Variants in CDH22 observed in about 807,000 individuals in gnomAD.
CDH22 encodes cadherin-22.
CDH22 carries 30 observed loss-of-function variants against 58.4 expected under a neutral mutation model. The ratio of observed to expected loss-of-function variants is 0.51; its 90% CI spans 0.38 to 0.70. The LOEUF (loss-of-function observed/expected upper bound fraction) is 0.70. Ranked by LOEUF, CDH22 falls within the 30% of genes least tolerant of loss-of-function variation. CDH22 has a pLI of 0.00. For missense variants in CDH22, 1,014 were observed against 1,233.9 expected (o/e 0.82, Z 2.67); for synonymous variants, 513 against 558.2 (o/e 0.92, Z 1.14).
chr20:46,196,479 G>A (rs1239086584), intron 8 of CDH22, among the ~76,000 whole-genome samples: 1 of 152,138 alleles, frequency 6.6e-6, no homozygotes, highest in Non-Finnish European at 1.5e-5. Context: ...TCGCCATGTT[G>A]GCCAGGCTGG....
chr20:46,293,459 T>C (rs1283147232), intron 1 of CDH22, among the ~76,000 whole-genome samples: 1 of 152,048 alleles, frequency 6.6e-6, no homozygotes, highest in Non-Finnish European at 1.5e-5. Context: ...TTCATGTTTA[T>C]GTTTCTGAAT....
chr20:46,237,394 T>C (rs1243082663), intron 3 of CDH22, among the ~76,000 whole-genome samples: 1 of 152,268 alleles, frequency 6.6e-6, no homozygotes, highest in East Asian at 1.9e-4. Context: ...TGTCCCAAGC[T>C]GCGTCCCTGC....
At chr20:46,290,674 C>G (rs2086597300) in intron 1 of CDH22, among the ~76,000 whole-genome samples, 2 of 152,122 alleles carry the variant, frequency 1.3e-5, no homozygotes, top group African/African-American at 4.8e-5. Context: ...CTGGCAGACT[C>G]TAAGGGAGAG....
In CDH22 at chr20:46,251,061, C is replaced by T. The variant is rs374127091; in HGVS notation, c.234G>A (p.Thr78=). 8.1e-6 allele frequency: 13 copies of T among 1,611,294 alleles called. No individual in the cohort carries two copies. Among genetic ancestry groups the T allele is most frequent in the Middle Eastern group, 1.6e-4 (1 of 6,064 alleles). Reference sequence around the variant, plus strand: ...TTACCTTGCCCACATACAGGGGCTCCGTGCCCGTGTACTCCTCTACCACGA... The same window carrying T: ...TTACCTTGCCCACATACAGGGGCTCTGTGCCCGTGTACTCCTCTACCACGA... ...QFFVVEEYTG[T]EPLYVGKIHS... Residue 78 remains threonine (T), a synonymous_variant, in exon 2 of 12, where the codon ACG becomes ACA. Coordinates refer to ENST00000537909, the MANE Select transcript of CDH22 (RefSeq NM_021248.3). This position sits in a 1 kb window ranked among gnomAD's most constrained non-coding sequence, Gnocchi z 6.7.
intron 7 of CDH22, among the ~76,000 whole-genome samples, chr20:46,204,888 G>A (rs2085989352): frequency 6.6e-6 from 1 of 152,156 alleles, no homozygotes; most frequent in Non-Finnish European, 1.5e-5. Flanking sequence ...ATGCATGCAG[G>A]CATAATAAAT....
At chr20:46,261,915 G>A (rs1180487180) in intron 1 of CDH22, among the ~76,000 whole-genome samples, 2 of 152,210 alleles carry the variant, frequency 1.3e-5, no homozygotes, top group East Asian at 3.9e-4. Context: ...CACAAATGAA[G>A]GAGGCAACCA....
intron 1 of CDH22, among the ~76,000 whole-genome samples, chr20:46,266,881 A>G (rs942751876): frequency 4.4e-4 from 66 of 151,212 alleles, no homozygotes; most frequent in Non-Finnish European, 2.1e-4. Flanking sequence ...TAAGGATGAT[A>G]ATAGTACTAA....
rs3746822 is a variant in CDH22 at position 46,174,358 on chromosome 20, C to T, written c.*148G>A. 3.5e-6 allele frequency: 2 copies of T among 574,446 alleles called. No homozygotes were observed. Among genetic ancestry groups the T allele is most frequent in the South Asian group, 2.3e-5 (1 of 43,672 alleles). The allele number at this position is 574,446 out of a possible 1,614,324, so 35.6% of individuals were successfully genotyped here. Reference sequence around the variant, plus strand: ...CTAGAGGAGGAGGAATGGAAGAGTCCGCTCCTAGCAAGTCCCCCCTCCGTC... The same window carrying T: ...CTAGAGGAGGAGGAATGGAAGAGTCTGCTCCTAGCAAGTCCCCCCTCCGTC... On this transcript the variant is annotated 3_prime_UTR_variant, in exon 12 of 12. Coordinates refer to ENST00000537909, the MANE Select transcript of CDH22 (RefSeq NM_021248.3). This position sits in a 1 kb window ranked among gnomAD's most constrained non-coding sequence, Gnocchi z 4.4.
At position 46,251,369 on chromosome 20, in the gene CDH22, G is replaced by C. The variant is rs933485850; in HGVS notation, c.-75C>G. 4 of 1,378,520 alleles carry C rather than the reference G, an allele frequency of 2.9e-6. No individual in the cohort carries two copies. Among genetic ancestry groups the C allele is most frequent in the Non-Finnish European group, 3.7e-6 (4 of 1,070,524 alleles). The allele number at this position is 1,378,520 out of a possible 1,614,324, so 85.4% of individuals were successfully genotyped here. On this transcript the variant is annotated 5_prime_UTR_variant, in exon 2 of 12. The change creates a new upstream start codon in the 5' untranslated region. Transcript: ENST00000537909. The surrounding 1 kb of genome is among the most constrained non-coding windows in gnomAD (Gnocchi z 6.7). ...GGGCGCCGCTGCTTGGTCGCACAACGATGCGGCGCCGTGTCACATGGTGGC... is the reference window on the plus strand; with the variant it reads ...GGGCGCCGCTGCTTGGTCGCACAACCATGCGGCGCCGTGTCACATGGTGGC...
chr20:46,232,877 C>A (rs1434621522), intron 3 of CDH22, among the ~76,000 whole-genome samples: 1 of 152,138 alleles, frequency 6.6e-6, no homozygotes, highest in Admixed American at 6.5e-5. Context: ...GAATGGCACA[C>A]AGGAGATGCA....
chr20:46,217,519 C>T (rs944695341), intron 4 of CDH22, among the ~76,000 whole-genome samples: 24 of 152,146 alleles, frequency 1.6e-4, no homozygotes, highest in African/African-American at 5.6e-4. Context: ...CACAAACACA[C>T]ACTCATATAC....
chr20:46,291,292 A>AATAAATAT (rs2086601051), intron 1 of CDH22, among the ~76,000 whole-genome samples: 1 of 152,136 alleles, frequency 6.6e-6, no homozygotes, highest in Non-Finnish European at 1.5e-5. Flanking sequence ...TAAATAAATA[A>AATAAATAT]ATAAATAAAA....
chr20:46,255,654 A>C (rs1398664960), intron 1 of CDH22, among the ~76,000 whole-genome samples: 2 of 152,114 alleles, frequency 1.3e-5, no homozygotes, highest in African/African-American at 4.8e-5. Flanking sequence ...GCAGCCTGCC[A>C]ACTCTTCACT....
intron 1 of CDH22, among the ~76,000 whole-genome samples, chr20:46,299,274 C>T (rs574225117): frequency 1.3e-5 from 2 of 152,228 alleles, no homozygotes; most frequent in Admixed American, 6.5e-5. Context: ...GCAGAAAACA[C>T]CTCCACCTGC....
At chr20:46,184,489 G>T (rs1467079527) in intron 10 of CDH22, among the ~76,000 whole-genome samples, 2 of 152,106 alleles carry the variant, frequency 1.3e-5, no homozygotes, top group Non-Finnish European at 2.9e-5. Flanking sequence ...ACAAAGTCAA[G>T]TCCAGACCCT....
chr20:46,185,130 TACACACACACAC>T lies in CDH22; in HGVS notation c.1663+1446_1663+1457del, dbSNP rs11467388. Among the ~76,000 whole-genome samples the T allele has an allele frequency of 1.3e-4, 19 of 148,740 alleles. 1 individual carries two copies. Among genetic ancestry groups the T allele is most frequent in the South Asian group, 2.2e-4 (1 of 4,626 alleles). On this transcript the variant is annotated intron_variant, in intron 10 of 11. Coordinates refer to ENST00000537909, the MANE Select transcript of CDH22 (RefSeq NM_021248.3). ...AAACAACAAAAAAACCCCACACGCA[TACACACACACAC>T]ACACACACACACACACACACAAACA...
chr20:46,174,891 T>A lies in CDH22; in HGVS notation c.2102A>T (p.Asp701Val). The A allele has an allele frequency of 8.4e-7, 1 of 1,185,712 alleles. No individual in the cohort carries two copies. Among genetic ancestry groups the A allele is most frequent in the Non-Finnish European group, 1.1e-6 (1 of 930,216 alleles). The allele number at this position is 1,185,712 out of a possible 1,614,324, so 73.4% of individuals were successfully genotyped here. Residue 701 changes from aspartate (D) to valine (V), a missense_variant, in exon 12 of 12, where the codon GAC becomes GTC. Transcript: ENST00000537909. The surrounding 1 kb of genome is among the most constrained non-coding windows in gnomAD (Gnocchi z 4.4). ...TCCCCCGCCCGCGCTGCCGCCCCCG[T>A]CGCCGCCCTTGAGCTCGCCGAAGTC... ...LYDFGELKGG[D>V]GGGSAGGGAG... is the part of the protein sequence containing the mutation.
chr20:46,265,923 G>A (rs936208113), intron 1 of CDH22, among the ~76,000 whole-genome samples: 6 of 148,682 alleles, frequency 4.0e-5, no homozygotes, highest in Non-Finnish European at 8.9e-5. Context: ...ACATCTGGGA[G>A]CTGTGCACAC....
chr20:46,275,176 C>T (rs982560339), intron 1 of CDH22, among the ~76,000 whole-genome samples: 1 of 152,174 alleles, frequency 6.6e-6, no homozygotes, highest in Non-Finnish European at 1.5e-5. Flanking sequence ...TCTACATGAT[C>T]CGCCCCTGTG....
Sources: gnomAD v4.1 joint callset for allele counts (sites outside exome capture counted in the v4.1 genomes callset) on GRCh38, gnomAD v4.1.1 for gene constraint, Gnocchi (gnomAD v3.1) non-coding constraint, MANE v1.5 for transcripts, NCBI Gene and HGNC (gene_info 2026-07-23, HGNC 2026-07-21) for gene names.